Variants in FANCD2OS observed in about 807,000 individuals in gnomAD.
The protein encoded by FANCD2OS is FANCD2 opposite strand.
A neutral mutation model predicts 13.2 loss-of-function variants in FANCD2OS; 11 were observed. The ratio of observed to expected loss-of-function variants is 0.83; its 90% CI spans 0.52 to 1.38. FANCD2OS has a LOEUF of 1.38. Among genes scored for constraint, FANCD2OS ranks in the 40% most tolerant of loss-of-function variants. The probability of loss-of-function intolerance (pLI) is 0.00; values close to 1 mark genes in which losing one functional copy is unlikely to be tolerated. For synonymous variants in FANCD2OS, 69 were observed against 84.5 expected (o/e 0.82, Z 1.01); for missense variants, 217 against 213.9 (o/e 1.01, Z -0.09).
intron 1 of FANCD2OS, among the ~76,000 whole-genome samples, chr3:10,105,230 C>T (rs1695437331): frequency 6.6e-6 from 1 of 152,170 alleles, no homozygotes; most frequent in Non-Finnish European, 1.5e-5. Context: ...TGTACTAAAA[C>T]TTTATATTAA....
intron 1 of FANCD2OS, among the ~76,000 whole-genome samples, chr3:10,106,668 C>T (rs1260203740): frequency 3.9e-5 from 6 of 152,170 alleles, no homozygotes; most frequent in Admixed American, 3.9e-4. Context: ...AATCCCAGCA[C>T]TTTGGGAGGC....
intron 2 of FANCD2OS, among the ~76,000 whole-genome samples, chr3:10,091,618 C>T (rs1223113554): frequency 6.6e-6 from 1 of 151,880 alleles, no homozygotes; most frequent in Admixed American, 6.6e-5. Context: ...TACCTCATGC[C>T]AGTTAGCAGG....
Position 10,104,548 on chromosome 3 carries a change from G to A in FANCD2OS, c.227C>T (p.Thr76Ile). 2.5e-6 allele frequency: 4 copies of A among 1,614,246 alleles called. No homozygotes were observed. In the East Asian group the frequency reaches 8.9e-5, roughly 36 times the overall value. Residue 76 changes from threonine to isoleucine, a missense_variant, in exon 2 of 2, where the codon ACA (threonine) becomes ATA (isoleucine). Thr to Ile is a moderately conservative substitution (Grantham distance 89). Transcript: ENST00000450660. Reference protein sequence around the residue: ...SGVSPKLPCHTSELRTMNNKG... With the variant: ...SGVSPKLPCHISELRTMNNKG... ...GTTGTTCATCGTGCGCAACTCTGATGTGTGGCAGGGTAACTTGGGACTCAC... is the reference window on the plus strand; with the variant it reads ...GTTGTTCATCGTGCGCAACTCTGATATGTGGCAGGGTAACTTGGGACTCAC...
rs1365384270 is a variant in FANCD2OS, at chr3:10,105,806, ATATATATATATATATT to A, written c.-8-1040_-8-1025del. Among the ~76,000 whole-genome samples, 73 of 76,818 alleles carry A rather than the reference ATATATATATATATATT, an allele frequency of 9.5e-4. 3 individuals carry two copies. Among genetic ancestry groups the A allele is most frequent in the South Asian group, 1.4e-3 (3 of 2,210 alleles). 50.4% of individuals were successfully genotyped at this position (76,818 alleles called of 152,430 possible). A position where few individuals can be genotyped will look rare whatever the true frequency, so the allele number is the denominator to read the frequency against. On this transcript the variant is annotated intron_variant, in intron 1 of 1. Transcript: ENST00000450660. ...TATATATATATATATATATATATAT[ATATATATATATATATT>A]TTGAGGTTCGCGATGTATGAACCCT...
At chr3:10,089,561 C>T (rs537311400) in intron 2 of FANCD2OS, among the ~76,000 whole-genome samples, 5 of 152,208 alleles carry the variant, frequency 3.3e-5, no homozygotes, top group African/African-American at 1.2e-4. Context: ...CCTCCACCTC[C>T]TGGGTTCAAA....
At chr3:10,090,405 C>T in intron 2 of FANCD2OS, 1 of 1,331,604 alleles carries the variant, frequency 7.5e-7, no homozygotes, top group Non-Finnish European at 1.1e-6. Context: ...ATAATAGTCA[C>T]TTCAAGAAGT....
intron 2 of FANCD2OS, chr3:10,085,712 TTAAA>T: frequency 1.2e-6 from 1 of 838,232 alleles, no homozygotes; most frequent in Non-Finnish European, 2.1e-6. Context: ...TTTCAAACCG[TTAAA>T]CTATTGATGG....
At chr3:10,105,671 A>G (rs766393231) in intron 1 of FANCD2OS, among the ~76,000 whole-genome samples, 54 of 148,338 alleles carry the variant, frequency 3.6e-4, no homozygotes, top group Non-Finnish European at 7.1e-4. Flanking sequence ...GAATTGCTTT[A>G]ACCCAGGAGG....
chr3:10,101,285 C>T (rs768937298), downstream of FANCD2OS: 3 of 1,535,246 alleles, frequency 2.0e-6, no homozygotes, highest in Non-Finnish European at 2.7e-6. Flanking sequence ...TTGTTGCCTG[C>T]TTCTGTGTCT....
downstream of FANCD2OS, chr3:10,101,227 C>A (rs368886461): frequency 1.5e-5 from 24 of 1,613,170 alleles, no homozygotes; most frequent in Middle Eastern, 1.6e-4. Context: ...AGAAAAGGAG[C>A]AAGATAGTGA....
chr3:10,092,684 CTTTTTTTT>C (rs565351425), intron 2 of FANCD2OS, among the ~76,000 whole-genome samples: 6 of 72,060 alleles, frequency 8.3e-5, no homozygotes, highest in African/African-American at 3.6e-4. Flanking sequence ...TCTTTCATGT[CTTTTTTTT>C]TTTTTTTTTT....
At chr3:10,090,146 C>A in intron 2 of FANCD2OS, 2 of 661,294 alleles carry the variant, frequency 3.0e-6, no homozygotes, top group Non-Finnish European at 5.6e-6. Context: ...TGAGTCCTTT[C>A]CGCTCCCCCA....
downstream of FANCD2OS, among the ~76,000 whole-genome samples, chr3:10,100,696 T>C (rs985465441): frequency 6.6e-6 from 1 of 152,142 alleles, no homozygotes; most frequent in Non-Finnish European, 1.5e-5. Flanking sequence ...GTAATAAATA[T>C]TTCATTCTAT....
At position 10,081,471 on chromosome 3, in the gene FANCD2OS, A is replaced by G. The variant is rs367816407; in HGVS notation, c.*104T>C. On this transcript the variant is annotated 3_prime_UTR_variant, in exon 3 of 3. Transcript: ENST00000524279. The stretch of plus-strand genomic sequence containing the variant: ...TTCATGGGCTTTTTGCTTGGTAAGT[A>G]TGTGGGAAGTGTGGAGAGAACTGAG... 8.2e-6 allele frequency: 13 copies of G among 1,579,554 alleles called. No homozygotes were observed. In the African/African-American group the frequency reaches 9.4e-5, roughly 11 times the overall value.
chr3:10,107,202 C>T (rs1559415719), intron 1 of FANCD2OS, among the ~76,000 whole-genome samples: 4 of 152,036 alleles, frequency 2.6e-5, no homozygotes, highest in Non-Finnish European at 4.4e-5. Context: ...GCAAGGTGGG[C>T]GGAGGGTATG....
intron 2 of FANCD2OS, chr3:10,094,282 T>G: frequency 6.2e-7 from 1 of 1,613,214 alleles, no homozygotes; most frequent in Non-Finnish European, 8.5e-7. Context: ...GTGTCTCTCT[T>G]CTTCAGTATG....
intron 2 of FANCD2OS, among the ~76,000 whole-genome samples, chr3:10,083,879 C>T (rs1389568344): frequency 1.5e-5 from 2 of 131,730 alleles, no homozygotes; most frequent in East Asian, 4.5e-4. Flanking sequence ...CAGAGCAAGA[C>T]TCCGTCTCAA....
chr3:10,085,505 C>T (rs997327229), intron 2 of FANCD2OS, among the ~76,000 whole-genome samples: 87 of 151,524 alleles, frequency 5.7e-4, no homozygotes, highest in African/African-American at 2.0e-3. Context: ...GATTCTTCTG[C>T]CTCAGCCTCT....
intron 2 of FANCD2OS, chr3:10,090,386 G>C: frequency 6.3e-7 from 1 of 1,598,876 alleles, no homozygotes; most frequent in Non-Finnish European, 8.5e-7. Context: ...CTCGCAGCAG[G>C]TGAGTAAGAT....
Sources: gnomAD v4.1 joint callset for allele counts (sites outside exome capture counted in the v4.1 genomes callset) on GRCh38, gnomAD v4.1.1 for gene constraint, MANE v1.5 for transcripts, NCBI Gene and HGNC (gene_info 2026-07-23, HGNC 2026-07-21) for gene names.